MON2: variants seen among roughly 807,000 people sequenced by gnomAD.
MON2 encodes the protein protein MON2 homolog.
Under a neutral mutation model 208.6 loss-of-function variants are expected in MON2, and 84 were observed. The observed-to-expected ratio is 0.40, with a 90% CI of 0.34 to 0.48. The LOEUF is 0.48. Ranked by LOEUF, MON2 falls within the 20% of genes least tolerant of loss-of-function variation. The pLI is 0.59. For missense variants in MON2, 1,611 were observed against 2,015.4 expected (o/e 0.80, Z 3.84); for synonymous variants, 660 against 694.0 (o/e 0.95, Z 0.77).
chr12:62,533,439 A>G (rs2072755587), intron 12 of MON2, among the ~76,000 whole-genome samples: 1 of 152,192 alleles, frequency 6.6e-6, no homozygotes, highest in South Asian at 2.1e-4. Context: ...ATATTAGTGT[A>G]GATTCATGGA....
At chr12:62,503,917 T>G (rs1394414276) in intron 7 of MON2, among the ~76,000 whole-genome samples, 2 of 152,138 alleles carry the variant, frequency 1.3e-5, no homozygotes, top group African/African-American at 4.8e-5. Flanking sequence ...TTATCTTTCT[T>G]ATCTCTCTTT....
intron 21 of MON2, 95 bp from the exon 22 acceptor site, chr12:62,546,802 C>A (rs1476185546): frequency 3.3e-6 from 3 of 912,908 alleles, no homozygotes; most frequent in East Asian, 5.4e-5. Context: ...CCATAGTAGT[C>A]TGAATGGCGA....
chr12:62,577,031 A>AT (rs2074817350), intron 30 of MON2, among the ~76,000 whole-genome samples: 1 of 151,872 alleles, frequency 6.6e-6, no homozygotes, highest in Non-Finnish European at 1.5e-5. Context: ...TTGCCTCTTC[A>AT]TTTTTTGTTG....
chr12:62,583,148 A>G (rs1279163326), intron 32 of MON2, among the ~76,000 whole-genome samples: 3 of 152,110 alleles, frequency 2.0e-5, no homozygotes, highest in Non-Finnish European at 2.9e-5. Flanking sequence ...CCTGGGCAAC[A>G]TGGCAAAACC....
At chr12:62,517,315 A>T (rs1234278143) in intron 8 of MON2, among the ~76,000 whole-genome samples, 1 of 152,192 alleles carries the variant, frequency 6.6e-6, no homozygotes, top group East Asian at 1.9e-4. Context: ...TTACATCTTC[A>T]TAGTAACAAA....
intron 34 of MON2, among the ~76,000 whole-genome samples, chr12:62,589,877 A>G (rs2075341684): frequency 6.6e-6 from 1 of 152,180 alleles, no homozygotes; most frequent in Non-Finnish European, 1.5e-5. Context: ...ATCTAACTAA[A>G]TGAATGTTAA....
chr12:62,508,350 C>T lies in MON2; in HGVS notation c.854C>T (p.Pro285Leu). 1.2e-6 allele frequency: 2 copies of T among 1,613,890 alleles called. No homozygotes were observed. The highest frequency in any genetic ancestry group is 1.7e-6 in the Non-Finnish European group (2 of 1,179,872). ...VCPLVIKLFS[P>L]NIKFRQGSST... ...CCTCTTGTGATAAAGCTCTTTTCTCCAAATATAAAGTTCAGACAAGGTTCC... is the reference window on the plus strand; with the variant it reads ...CCTCTTGTGATAAAGCTCTTTTCTCTAAATATAAAGTTCAGACAAGGTTCC... The change falls in exon 8 of 35, where the codon CCA (proline) becomes CTA (leucine). Residue 285 changes from proline to leucine, a missense_variant. Coordinates refer to ENST00000393630, the MANE Select transcript of MON2 (RefSeq NM_015026.3).
chr12:62,497,632 T>TTTTG (rs2070595059), intron 4 of MON2, among the ~76,000 whole-genome samples: 1 of 152,060 alleles, frequency 6.6e-6, no homozygotes, highest in African/African-American at 2.4e-5. Flanking sequence ...TTTCTTTTTT[T>TTTTG]GAGATAGTGT....
Position 62,467,204 on chromosome 12 carries a change from G to A in MON2, c.-4G>A. On this transcript the variant is annotated 5_prime_UTR_variant, in exon 1 of 35. Coordinates refer to ENST00000393630, the MANE Select transcript of MON2 (RefSeq NM_015026.3). The stretch of plus-strand genomic sequence containing the variant: ...TCGGAAATTGGCTGGGACCTTGGAG[G>A]ATCATGTCCGGCACCAGCAGCCCCG... The A allele has an allele frequency of 6.2e-7, 1 of 1,611,350 alleles. No homozygotes were observed. The highest frequency in any genetic ancestry group is 1.1e-5 in the South Asian group (1 of 91,026).
intron 26 of MON2, among the ~76,000 whole-genome samples, chr12:62,561,604 C>T (rs1565688169): frequency 6.6e-6 from 1 of 150,650 alleles, no homozygotes; most frequent in Non-Finnish European, 1.5e-5. Flanking sequence ...TTTGTTATTG[C>T]AAAAAAAATA....
chr12:62,578,534 G>A, intron 31 of MON2, 29 bp downstream of exon 31: 3 of 1,406,266 alleles, frequency 2.1e-6, no homozygotes, highest in Non-Finnish European at 2.9e-6. Context: ...ATGTTTTCCT[G>A]TGACCATTTT....
intron 1 of MON2, among the ~76,000 whole-genome samples, chr12:62,471,811 A>G (rs759361276): frequency 6.6e-5 from 10 of 152,210 alleles, no homozygotes; most frequent in Non-Finnish European, 1.2e-4. Context: ...TTTCAGTGGC[A>G]TAAGTATATG....
Position 62,562,860 on chromosome 12 carries a change from T to A in MON2, c.4032+1747T>A, listed in dbSNP as rs556846582. On this transcript the variant is annotated intron_variant, in intron 26 of 34. Coordinates refer to ENST00000393630, the MANE Select transcript of MON2 (RefSeq NM_015026.3). ...GGACTTCAAGTTCTCAGTCTTCTCT[T>A]TGTTCTCAAACCACCAGTTCCCAGC... Among the ~76,000 whole-genome samples, 16 of 152,284 alleles carry A rather than the reference T, an allele frequency of 1.1e-4. No individual in the cohort carries two copies. The South Asian group carries it at 2.9e-3, about 28-fold the overall frequency.
At chr12:62,500,268 A>ATTT (rs1042355477) in intron 5 of MON2, among the ~76,000 whole-genome samples, 3 of 152,248 alleles carry the variant, frequency 2.0e-5, no homozygotes, top group African/African-American at 7.2e-5. Context: ...AGAGAATGAT[A>ATTT]TTTTTTACTA....
chr12:62,476,591 C>A (rs779986514), intron 1 of MON2, among the ~76,000 whole-genome samples: 3 of 152,038 alleles, frequency 2.0e-5, no homozygotes, highest in Admixed American at 6.6e-5. Flanking sequence ...CACACCACTA[C>A]TGACCGGCTA....
At chr12:62,549,476 G>T (rs1436511502) in intron 22 of MON2, among the ~76,000 whole-genome samples, 192 bp from the exon 23 acceptor site, 2 of 148,966 alleles carry the variant, frequency 1.3e-5, no homozygotes, top group African/African-American at 4.9e-5. Flanking sequence ...AAAAAAAAGG[G>T]CATGGGGGTG....
chr12:62,556,755 C>T (rs1348694923), intron 25 of MON2, among the ~76,000 whole-genome samples: 1 of 152,082 alleles, frequency 6.6e-6, no homozygotes, highest in Non-Finnish European at 1.5e-5. Flanking sequence ...AAGGCCAGAT[C>T]ATCCAGATCA....
At chr12:62,514,939 C>T (rs1455956216) in intron 8 of MON2, among the ~76,000 whole-genome samples, 5 of 152,158 alleles carry the variant, frequency 3.3e-5, no homozygotes, top group African/African-American at 7.2e-5. Flanking sequence ...GAGGCTTATG[C>T]CCATGAGTGG....
At chr12:62,509,436 T>C (rs2071280189) in intron 8 of MON2, among the ~76,000 whole-genome samples, 4 of 152,018 alleles carry the variant, frequency 2.6e-5, no homozygotes, top group Non-Finnish European at 5.9e-5. Context: ...AAACAGACAA[T>C]ATAATAATAG....
Sources: allele counts gnomAD v4.1 joint callset (sites outside exome capture counted in the v4.1 genomes callset), GRCh38; gene constraint gnomAD v4.1.1; transcripts MANE v1.5; gene names NCBI Gene and HGNC (gene_info 2026-07-23, HGNC 2026-07-21).